SH3GLB1: variants seen among roughly 807,000 people sequenced by gnomAD.
SH3GLB1 encodes endophilin-B1.
Under a neutral mutation model 42.0 loss-of-function variants are expected in SH3GLB1, and 17 were observed. That is an observed-to-expected ratio of 0.40 (90% CI 0.28 to 0.61). The LOEUF (loss-of-function observed/expected upper bound fraction) is 0.61. Among genes scored for constraint, SH3GLB1 ranks in the 20% least tolerant of loss-of-function variants. SH3GLB1 has a pLI of 0.36. For missense variants in SH3GLB1, 355 were observed against 426.3 expected (o/e 0.83, Z 1.47); for synonymous variants, 132 against 146.6 (o/e 0.90, Z 0.72).
chr1:86,726,662 G>C (rs1462610128), intron 5 of SH3GLB1, among the ~76,000 whole-genome samples: 1 of 151,852 alleles, frequency 6.6e-6, no homozygotes, highest in Non-Finnish European at 1.5e-5. Context: ...TCGATTTCCT[G>C]ATTTTAATTG....
chr1:86,715,531 A>G (rs1418177286), intron 1 of SH3GLB1, among the ~76,000 whole-genome samples, 193 bp from the exon 2 acceptor site: 1 of 152,238 alleles, frequency 6.6e-6, no homozygotes, highest in African/African-American at 2.4e-5. Flanking sequence ...AGGTAGGGTC[A>G]TCCACAAAAG....
chr1:86,717,272 C>T (rs1235367553), intron 2 of SH3GLB1, among the ~76,000 whole-genome samples: 1 of 152,134 alleles, frequency 6.6e-6, no homozygotes, highest in Non-Finnish European at 1.5e-5. Context: ...TCCCCTTGTT[C>T]TAAACATATT....
At chr1:86,737,346 A>T (rs946602044) in intron 7 of SH3GLB1, among the ~76,000 whole-genome samples, 7 of 152,228 alleles carry the variant, frequency 4.6e-5, no homozygotes, top group African/African-American at 1.7e-4. Flanking sequence ...ACATAGGTAC[A>T]CTTCAGTGGC....
intron 1 of SH3GLB1, among the ~76,000 whole-genome samples, chr1:86,709,350 A>G (rs552213202): frequency 6.6e-6 from 1 of 152,372 alleles, no homozygotes; most frequent in South Asian, 2.1e-4. Flanking sequence ...AGCATGTTAA[A>G]TAACAGTATC....
chr1:86,727,662 C>T (rs1480177659), intron 5 of SH3GLB1, among the ~76,000 whole-genome samples: 7 of 151,950 alleles, frequency 4.6e-5, no homozygotes, highest in Non-Finnish European at 1.5e-5. Flanking sequence ...CCTACATTTA[C>T]GAATCCAATT....
intron 2 of SH3GLB1, among the ~76,000 whole-genome samples, chr1:86,716,206 T>C (rs1654518841): frequency 1.3e-5 from 2 of 152,210 alleles, no homozygotes; most frequent in South Asian, 2.1e-4. Flanking sequence ...GACAAAGTTA[T>C]ATAGTTGCTT....
At position 86,722,599 on chromosome 1, in the gene SH3GLB1, C is replaced by T; in HGVS notation, c.403C>T (p.Leu135=). The change falls in exon 4 of 9, where the codon CTG becomes TTG. Residue 135 remains leucine (L), a synonymous_variant. Transcript: ENST00000370558. ...QKRIGTADRE[L]IQTSALNFLT... ...AAGAATTGGAACAGCAGACAGAGAA[C>T]TGATTCAAACGTCAGCCTTAAATTT... 6 of 1,609,828 alleles carry T rather than the reference C, an allele frequency of 3.7e-6. No individual in the cohort carries two copies. Among genetic ancestry groups the T allele is most frequent in the Middle Eastern group, 1.7e-4 (1 of 6,042 alleles).
intron 7 of SH3GLB1, chr1:86,738,512 G>C (rs1163094840): frequency 6.6e-6 from 1 of 152,360 alleles, no homozygotes; most frequent in Non-Finnish European, 1.5e-5. Flanking sequence ...TGATCTGCCC[G>C]CCTCGGCCTC....
chr1:86,740,044 G>C (rs1655980236), intron 7 of SH3GLB1, among the ~76,000 whole-genome samples: 1 of 152,058 alleles, frequency 6.6e-6, no homozygotes, highest in Admixed American at 6.6e-5. Context: ...TACTCAGGAA[G>C]CTGAGGCGAG....
At chr1:86,730,309 A>T in intron 5 of SH3GLB1, 1 of 985,384 alleles carries the variant, frequency 1.0e-6, no homozygotes, top group Non-Finnish European at 1.2e-6. Flanking sequence ...TGCTGCAGAG[A>T]TGTGGTTTGC....
chr1:86,719,636 G>A lies in SH3GLB1; in HGVS notation c.343+1G>A. ...GAGTTTGGCCCAGGAACAGCTTATGGTAAGTGAAATGCAAAAAGTTCTAAT... is the reference window on the plus strand; with the variant it reads ...GAGTTTGGCCCAGGAACAGCTTATGATAAGTGAAATGCAAAAAGTTCTAAT... On this transcript the variant is annotated splice_donor_variant, in intron 3 of 8. Transcript: ENST00000370558. LOFTEE classifies it high-confidence loss of function. The A allele has an allele frequency of 6.2e-7, 1 of 1,602,702 alleles. No individual in the cohort carries two copies. Among genetic ancestry groups the A allele is most frequent in the South Asian group, 1.1e-5 (1 of 89,052 alleles).
At chr1:86,741,373 C>T (rs746270401) in intron 7 of SH3GLB1, among the ~76,000 whole-genome samples, 1 of 152,018 alleles carries the variant, frequency 6.6e-6, no homozygotes, top group Non-Finnish European at 1.5e-5. Context: ...GATGTCAGAC[C>T]AGCTATTTTG....
intron 5 of SH3GLB1, among the ~76,000 whole-genome samples, chr1:86,724,892 A>AAAAAAATATATATATATATATAT (rs1291454820): frequency 4.1e-4 from 41 of 99,630 alleles, no homozygotes; most frequent in South Asian, 1.8e-3. Context: ...AAAAAAAAAA[A>AAAAAAATATATATATATATATAT]ATATATATAT....
chr1:86,740,938 A>G (rs190081683), intron 7 of SH3GLB1, among the ~76,000 whole-genome samples: 17 of 152,254 alleles, frequency 1.1e-4, no homozygotes, highest in African/African-American at 3.4e-4. Flanking sequence ...TGGGAATGAT[A>G]CAATAGATGG....
At chr1:86,719,811 T>C (rs976145532) in intron 3 of SH3GLB1, among the ~76,000 whole-genome samples, 176 bp downstream of exon 3, 3 of 151,838 alleles carry the variant, frequency 2.0e-5, no homozygotes, top group Admixed American at 6.6e-5. Context: ...CTGGCTAACA[T>C]GGTGAAACCC....
chr1:86,718,995 C>T (rs1232693351), intron 2 of SH3GLB1, among the ~76,000 whole-genome samples: 1 of 152,200 alleles, frequency 6.6e-6, no homozygotes, highest in African/African-American at 2.4e-5. Context: ...TTGTTCTATG[C>T]CTTAAGCGCC....
intron 2 of SH3GLB1, 76 bp downstream of exon 2, chr1:86,715,941 G>T: frequency 6.9e-7 from 1 of 1,454,652 alleles, no homozygotes; most frequent in South Asian, 1.3e-5. Flanking sequence ...AGTTTTAATG[G>T]CCATCTGAAA....
chr1:86,728,399 TA>T, intron 5 of SH3GLB1: 2 of 1,538,024 alleles, frequency 1.3e-6, no homozygotes, highest in South Asian at 1.2e-5. Context: ...ACTATGCACT[TA>T]AGCAACTAAA....
At chr1:86,728,462 C>T (rs777384888) in intron 5 of SH3GLB1, 59 of 1,549,490 alleles carry the variant, frequency 3.8e-5, no homozygotes, top group Non-Finnish European at 4.9e-5. Flanking sequence ...CTTACATGCT[C>T]AACTTCCTGC....
Sources: allele counts gnomAD v4.1 joint callset (sites outside exome capture counted in the v4.1 genomes callset), GRCh38; gene constraint gnomAD v4.1.1; transcripts MANE v1.5; gene names NCBI Gene and HGNC (gene_info 2026-07-23, HGNC 2026-07-21).